Variants in CCDC149 observed in about 807,000 individuals in gnomAD.
CCDC149 encodes the protein coiled-coil domain containing 149.
Under a neutral mutation model 59.9 loss-of-function variants are expected in CCDC149, and 45 were observed. The observed-to-expected ratio is 0.75, with a 90% confidence interval of 0.59 to 0.96. CCDC149 has a LOEUF of 0.96. CCDC149 is among the 40% of genes least tolerant of loss of function. The probability of loss-of-function intolerance (pLI) is 0.00; values close to 1 mark genes in which losing one functional copy is unlikely to be tolerated. For missense variants in CCDC149, 584 were observed against 664.7 expected (o/e 0.88, Z 1.33); for synonymous variants, 245 against 260.6 (o/e 0.94, Z 0.58).
At chr4:24,811,410 C>T (rs563291432) in intron 12 of CCDC149, among the ~76,000 whole-genome samples, 1 of 152,228 alleles carries the variant, frequency 6.6e-6, no homozygotes, top group Admixed American at 6.5e-5. Flanking sequence ...CATACTTTCC[C>T]ATTGGCCACA....
chr4:24,836,117 T>C (rs1178170677), intron 7 of CCDC149, among the ~76,000 whole-genome samples: 1 of 152,144 alleles, frequency 6.6e-6, no homozygotes, highest in Non-Finnish European at 1.5e-5. Context: ...GAAACCTAAT[T>C]GCAAATGGAC....
At chr4:24,867,853 A>C (rs1293380788) in intron 3 of CCDC149, among the ~76,000 whole-genome samples, 2 of 152,238 alleles carry the variant, frequency 1.3e-5, no homozygotes, top group Admixed American at 1.3e-4. Flanking sequence ...CAGATCACAG[A>C]AATTCAACCT....
chr4:24,852,214 C>T (rs1013101349), intron 4 of CCDC149, among the ~76,000 whole-genome samples: 2 of 151,636 alleles, frequency 1.3e-5, no homozygotes, highest in African/African-American at 4.9e-5. Flanking sequence ...TGATGAAAGT[C>T]ACCATCATTT....
downstream of CCDC149, among the ~76,000 whole-genome samples, chr4:24,804,964 G>A (rs1714080382): frequency 6.6e-6 from 1 of 152,208 alleles, no homozygotes; most frequent in Admixed American, 6.5e-5. Context: ...TTTGGGAATA[G>A]CTGTGGGAGC....
chr4:24,934,812 C>T (rs1354437423), intron 1 of CCDC149, among the ~76,000 whole-genome samples: 1 of 152,024 alleles, frequency 6.6e-6, no homozygotes, highest in Non-Finnish European at 1.5e-5. Flanking sequence ...ATAAGAAGGT[C>T]AAAGAGAACA....
chr4:24,970,923 A>G (rs904372572), intron 1 of CCDC149, among the ~76,000 whole-genome samples: 1 of 152,168 alleles, frequency 6.6e-6, no homozygotes, highest in African/African-American at 2.4e-5. Context: ...CTTGCAGAGC[A>G]CACCACCAGG....
At chr4:24,841,192 A>G (rs1560212437) in intron 4 of CCDC149, among the ~76,000 whole-genome samples, 1 of 152,200 alleles carries the variant, frequency 6.6e-6, no homozygotes, top group Non-Finnish European at 1.5e-5. Context: ...GGCCAACAGG[A>G]GGCTCAGGTC....
intron 7 of CCDC149, among the ~76,000 whole-genome samples, chr4:24,835,996 A>C (rs1295778038): frequency 1.3e-5 from 2 of 152,232 alleles, no homozygotes; most frequent in Non-Finnish European, 2.9e-5. Flanking sequence ...GATGGTTTAG[A>C]CTGTGCCTTC....
chr4:24,849,943 A>T (rs1305296604), intron 4 of CCDC149, among the ~76,000 whole-genome samples: 1 of 152,172 alleles, frequency 6.6e-6, no homozygotes, highest in African/African-American at 2.4e-5. Context: ...TTGTCCCCCA[A>T]GGCTCAGCAA....
chr4:24,885,049 A>G (rs929704876), intron 1 of CCDC149, among the ~76,000 whole-genome samples: 1 of 152,116 alleles, frequency 6.6e-6, no homozygotes, highest in Non-Finnish European at 1.5e-5. Context: ...AGGCCAGAAG[A>G]TGTGTGTTCA....
chr4:24,910,195 C>CT (rs1693171606), intron 1 of CCDC149, among the ~76,000 whole-genome samples: 1 of 152,220 alleles, frequency 6.6e-6, no homozygotes, highest in African/African-American at 2.4e-5. Flanking sequence ...ACTCCAATCT[C>CT]TACCTTTGTC....
intron 3 of CCDC149, among the ~76,000 whole-genome samples, chr4:24,864,884 A>C (rs1031767625): frequency 1.2e-4 from 18 of 152,184 alleles, no homozygotes; most frequent in Admixed American, 4.6e-4. Flanking sequence ...TGGAGGCCCA[A>C]CTTCTTGTAT....
intron 3 of CCDC149, among the ~76,000 whole-genome samples, chr4:24,858,159 G>A (rs1351585768): frequency 6.6e-6 from 1 of 152,054 alleles, no homozygotes; most frequent in Non-Finnish European, 1.5e-5. Flanking sequence ...GCTAACACAC[G>A]GTGCCTGCTT....
chr4:24,968,878 A>T (rs1462850722), intron 1 of CCDC149, among the ~76,000 whole-genome samples: 1 of 152,224 alleles, frequency 6.6e-6, no homozygotes, highest in Non-Finnish European at 1.5e-5. Flanking sequence ...GGGGCAATCC[A>T]TGTGGTACAA....
chr4:24,947,576 G>T (rs1723153218), intron 1 of CCDC149, among the ~76,000 whole-genome samples: 2 of 152,070 alleles, frequency 1.3e-5, no homozygotes, highest in East Asian at 1.9e-4. Flanking sequence ...TGTCAAACTG[G>T]ACTCCCATGA....
chr4:24,846,691 AAGACCTTC>A (rs1443205656), intron 4 of CCDC149, among the ~76,000 whole-genome samples: 1 of 152,196 alleles, frequency 6.6e-6, no homozygotes, highest in African/African-American at 2.4e-5. Context: ...GAGGTACCTA[AAGACCTTC>A]AGCTGGTATA....
chr4:24,870,590 A>C (rs908485550), intron 3 of CCDC149, among the ~76,000 whole-genome samples: 18 of 152,250 alleles, frequency 1.2e-4, no homozygotes, highest in African/African-American at 4.3e-4. Flanking sequence ...CGTTGAACTT[A>C]TATTTTTAGA....
At chr4:24,938,110 A>G (rs561492742) in intron 1 of CCDC149, among the ~76,000 whole-genome samples, 19 of 152,310 alleles carry the variant, frequency 1.2e-4, no homozygotes, top group African/African-American at 4.3e-4. Context: ...TGAAATTACC[A>G]TAGTTCATCA....
chr4:24,854,502 G>C (rs1477431712), intron 3 of CCDC149, among the ~76,000 whole-genome samples: 1 of 152,142 alleles, frequency 6.6e-6, no homozygotes, highest in Non-Finnish European at 1.5e-5. Context: ...AGAGTCAAAC[G>C]AGGGATATTA....
Sources: gnomAD v4.1 joint callset for allele counts (sites outside exome capture counted in the v4.1 genomes callset) on GRCh38, gnomAD v4.1.1 for gene constraint, MANE v1.5 for transcripts, NCBI Gene and HGNC (gene_info 2026-07-23, HGNC 2026-07-21) for gene names.